Variants in DNAJC10 observed in about 807,000 individuals in gnomAD.
The protein encoded by DNAJC10 is DnaJ heat shock protein family (Hsp40) member C10.
Under a neutral mutation model 115.0 loss-of-function variants are expected in DNAJC10, and 101 were observed. That is an observed-to-expected ratio of 0.88 (90% CI 0.75 to 1.04). The LOEUF is 1.04. Ranked by LOEUF, DNAJC10 falls within the 50% of genes least tolerant of loss-of-function variation. DNAJC10 has a pLI of 0.00. For missense variants in DNAJC10, 981 were observed against 928.8 expected (o/e 1.06, Z -0.73); for synonymous variants, 307 against 301.5 (o/e 1.02, Z -0.19).
chr2:182,732,130 TTCTA>T (rs372370824), intron 9 of DNAJC10, among the ~76,000 whole-genome samples: 12 of 152,250 alleles, frequency 7.9e-5, no homozygotes, highest in Non-Finnish European at 1.8e-4. Flanking sequence ...CTTTATATAC[TTCTA>T]TCAAATATCT....
At chr2:182,732,198 G>T (rs1212635756) in intron 9 of DNAJC10, among the ~76,000 whole-genome samples, 1 of 151,962 alleles carries the variant, frequency 6.6e-6, no homozygotes, top group African/African-American at 2.4e-5. Flanking sequence ...ATGGATTGTT[G>T]ATAGGAGGAG....
In DNAJC10 at chr2:182,794,316, A is replaced by G. The variant is rs886085015; in HGVS notation, c.*17184A>G. On this transcript the variant is annotated 3_prime_UTR_variant, in exon 24 of 24. Transcript: ENST00000264065. ...AATAGATGAAGGATAGAAATAATCCATTCAGATTCTCTCCTTTGCATGATG... is the reference window on the plus strand; with the variant it reads ...AATAGATGAAGGATAGAAATAATCCGTTCAGATTCTCTCCTTTGCATGATG... The G allele has an allele frequency of 2.0e-5, 3 of 152,214 alleles. No individual in the cohort carries two copies. Among genetic ancestry groups the G allele is most frequent in the African/African-American group, 7.2e-5 (3 of 41,454 alleles). 9.4% of individuals were successfully genotyped at this position (152,214 alleles called of 1,614,324 possible). A position where few individuals can be genotyped will look rare whatever the true frequency, so the allele number is the denominator to read the frequency against.
chr2:182,742,626 C>T (rs898467267), intron 13 of DNAJC10, among the ~76,000 whole-genome samples: 7 of 152,216 alleles, frequency 4.6e-5, no homozygotes, highest in African/African-American at 1.7e-4. Context: ...GCTGTGCCCA[C>T]CATGGTACTA....
chr2:182,787,910 G>A lies in DNAJC10; in HGVS notation c.*10778G>A, dbSNP rs1694977783. 6.6e-6 allele frequency: 1 copy of A among 152,180 alleles called. No homozygotes were observed. The highest frequency in any genetic ancestry group is 2.1e-4 in the South Asian group (1 of 4,818). 9.4% of individuals were successfully genotyped at this position (152,180 alleles called of 1,614,324 possible). A position where few individuals can be genotyped will look rare whatever the true frequency, so the allele number is the denominator to read the frequency against. On this transcript the variant is annotated 3_prime_UTR_variant, in exon 24 of 24. Transcript: ENST00000264065. Reference sequence around the variant, plus strand: ...CACTCCAGACTGGGAGGCAGAGGAAGACCCCGTCTCAAAAAACAAAAGGTA... The same window carrying A: ...CACTCCAGACTGGGAGGCAGAGGAAAACCCCGTCTCAAAAAACAAAAGGTA...
Position 182,736,336 on chromosome 2 carries a change from T to C in DNAJC10, c.937T>C (p.Tyr313His), listed in dbSNP as rs1693584545. The change falls in exon 11 of 24, where the codon TAT becomes CAT. Residue 313 changes from tyrosine to histidine, a missense_variant. Physicochemically the swap from Tyr to His is moderately conservative, Grantham distance 83. Coordinates refer to ENST00000264065, the MANE Select transcript of DNAJC10 (RefSeq NM_018981.4). ...AGATATTACAACAAGTACTACTGCTTATTTTCCTCCTGGAGCCACTTTAAA... is the reference window on the plus strand; with the variant it reads ...AGATATTACAACAAGTACTACTGCTCATTTTCCTCCTGGAGCCACTTTAAA... ...SLDITTSTTA[Y>H]FPPGATLNNK... 2 of 1,589,536 alleles carry C rather than the reference T, an allele frequency of 1.3e-6. No individual in the cohort carries two copies. The highest frequency in any genetic ancestry group is 1.7e-6 in the Non-Finnish European group (2 of 1,170,422).
intron 14 of DNAJC10, among the ~76,000 whole-genome samples, chr2:182,751,130 C>CATT (rs1694005479): frequency 1.2e-5 from 1 of 85,180 alleles, no homozygotes; most frequent in African/African-American, 4.8e-5. Flanking sequence ...GAGATTTTGA[C>CATT]TTTTTTTTTT....
intron 22 of DNAJC10, among the ~76,000 whole-genome samples, chr2:182,764,354 C>A (rs1694359206): frequency 6.6e-6 from 1 of 152,098 alleles, no homozygotes; most frequent in African/African-American, 2.4e-5. Context: ...GAAGCAGTTG[C>A]AGTAGCGGCA....
intron 16 of DNAJC10, among the ~76,000 whole-genome samples, chr2:182,753,579 G>GTTTT (rs56151760): frequency 0.11 from 11,304 of 99,152 alleles, 1,584 homozygotes; most frequent in African/African-American, 0.18. Flanking sequence ...CTTTAGTTTA[G>GTTTT]TTTTTTTTTT....
In DNAJC10 at chr2:182,792,274, ATGTT is replaced by A. The variant is rs1195737205; in HGVS notation, c.*15144_*15147del. On this transcript the variant is annotated 3_prime_UTR_variant, in exon 24 of 24. Transcript: ENST00000264065. ...GAATTAAATGCACTATCTGAAGTCT[ATGTT>A]TATTAAATGAGGATTACAGTAGTTG... 6.6e-6 allele frequency: 1 copy of A among 152,182 alleles called. No homozygotes were observed. Among genetic ancestry groups the A allele is most frequent in the African/African-American group, 2.4e-5 (1 of 41,428 alleles). 9.4% of individuals were successfully genotyped at this position (152,182 alleles called of 1,614,324 possible).
At chr2:182,754,937 G>C (rs1574945514) in intron 16 of DNAJC10, 66 bp from the exon 17 acceptor site, 1 of 1,354,942 alleles carries the variant, frequency 7.4e-7, no homozygotes, top group Non-Finnish European at 1.0e-6. Context: ...AGGCAAACTT[G>C]TTATAAATTT....
intron 10 of DNAJC10, among the ~76,000 whole-genome samples, chr2:182,733,397 C>T (rs997945502): frequency 6.6e-6 from 1 of 151,790 alleles, no homozygotes; most frequent in Non-Finnish European, 1.5e-5. Context: ...AGTTTTTCAG[C>T]ACTACACATT....
At chr2:182,741,714 A>G (rs1002594367) in intron 13 of DNAJC10, among the ~76,000 whole-genome samples, 11 of 152,296 alleles carry the variant, frequency 7.2e-5, no homozygotes, top group African/African-American at 2.6e-4. Flanking sequence ...AAATAAAGCA[A>G]TTATCTAAAA....
At position 182,784,703 on chromosome 2, in the gene DNAJC10, T is replaced by G. The variant is rs1009562329; in HGVS notation, c.*7571T>G. ...TTGTAGTTGATATTATAGTAACCCT[T>G]TTAGATGTTAGTAACTTTTATTGTA... On this transcript the variant is annotated 3_prime_UTR_variant, in exon 24 of 24. Transcript: ENST00000264065. The G allele has an allele frequency of 1.3e-5, 2 of 152,180 alleles. No individual in the cohort carries two copies. The highest frequency in any genetic ancestry group is 3.8e-4 in the East Asian group (2 of 5,196). The allele number at this position is 152,180 out of a possible 1,614,324, so 9.4% of individuals were successfully genotyped here. A position where few individuals can be genotyped will look rare whatever the true frequency, so the allele number is the denominator to read the frequency against.
At position 182,784,653 on chromosome 2, in the gene DNAJC10, T is replaced by A. The variant is rs1282596547; in HGVS notation, c.*7521T>A. On this transcript the variant is annotated 3_prime_UTR_variant, in exon 24 of 24. Coordinates refer to ENST00000264065, the MANE Select transcript of DNAJC10 (RefSeq NM_018981.4). ...AATTATAAATAATGATAAGTTTAAT[T>A]TGCAGCCCTTATAGCTTAGAGGCAT... The A allele has an allele frequency of 6.6e-6, 1 of 152,232 alleles. No homozygotes were observed. Among genetic ancestry groups the A allele is most frequent in the Non-Finnish European group, 1.5e-5 (1 of 68,050 alleles). 9.4% of individuals were successfully genotyped at this position (152,232 alleles called of 1,614,324 possible). A position where few individuals can be genotyped will look rare whatever the true frequency, so the allele number is the denominator to read the frequency against.
chr2:182,788,866 T>C lies in DNAJC10; in HGVS notation c.*11734T>C, dbSNP rs2105729238. 2.2e-6 allele frequency: 1 copy of C among 451,030 alleles called. No homozygotes were observed. The highest frequency in any genetic ancestry group is 2.0e-5 in the African/African-American group (1 of 49,712). 27.9% of individuals were successfully genotyped at this position (451,030 alleles called of 1,614,324 possible). A position where few individuals can be genotyped will look rare whatever the true frequency, so the allele number is the denominator to read the frequency against. ...GAGAGATTTCACGTTAAAGGTCATT[T>C]TGTGTCTTCTTTAAAACTCTTGATT... On this transcript the variant is annotated 3_prime_UTR_variant, in exon 24 of 24. Transcript: ENST00000264065.
In DNAJC10 at chr2:182,783,934, T is replaced by C. The variant is rs538342015; in HGVS notation, c.*6802T>C. ...AAGACTTTGGAAAGTTAATTTGTAT[T>C]AATTAACTAATATAAATTAATCCTA... On this transcript the variant is annotated 3_prime_UTR_variant, in exon 24 of 24. Coordinates refer to ENST00000264065, the MANE Select transcript of DNAJC10 (RefSeq NM_018981.4). The C allele has an allele frequency of 2.0e-4, 31 of 152,252 alleles. No homozygotes were observed. The highest frequency in any genetic ancestry group is 7.5e-4 in the African/African-American group (31 of 41,500). 9.4% of individuals were successfully genotyped at this position (152,252 alleles called of 1,614,324 possible). A position where few individuals can be genotyped will look rare whatever the true frequency, so the allele number is the denominator to read the frequency against.
In DNAJC10 at chr2:182,718,077, A is replaced by G. The variant is rs375953838; in HGVS notation, c.-10A>G. On this transcript the variant is annotated 5_prime_UTR_variant, in exon 3 of 24. The change creates a new upstream start codon in the 5' untranslated region. Transcript: ENST00000264065. ...TGTTCACTTAAATCAGAACTTGCAT[A>G]AGAAAGAGAATGGGAGTCTGGTTAA... The G allele has an allele frequency of 1.5e-5, 24 of 1,580,126 alleles. No individual in the cohort carries two copies. The highest frequency in any genetic ancestry group is 1.9e-5 in the Non-Finnish European group (22 of 1,162,060).
chr2:182,738,889 G>C (rs1436611791), intron 11 of DNAJC10, among the ~76,000 whole-genome samples: 1 of 151,966 alleles, frequency 6.6e-6, no homozygotes, highest in East Asian at 1.9e-4. Flanking sequence ...AAATATATCT[G>C]GTAGGTGGAA....
intron 14 of DNAJC10, 62 bp from the exon 15 acceptor site, chr2:182,751,596 A>C (rs1574942623): frequency 6.5e-7 from 1 of 1,547,196 alleles, no homozygotes; most frequent in Non-Finnish European, 8.8e-7. Flanking sequence ...AAAACTTTGA[A>C]ATGTCTCTGT....
Sources: allele counts gnomAD v4.1 joint callset (sites outside exome capture counted in the v4.1 genomes callset), GRCh38; gene constraint gnomAD v4.1.1; transcripts MANE v1.5; gene names NCBI Gene and HGNC (gene_info 2026-07-23, HGNC 2026-07-21).